Variants in MLLT10 observed in about 807,000 individuals in gnomAD.
MLLT10 encodes MLLT10 histone lysine methyltransferase DOT1L cofactor.
Under a neutral mutation model 129.1 loss-of-function variants are expected in MLLT10, and 30 were observed. The observed-to-expected ratio is 0.23, with a 90% CI of 0.17 to 0.32. MLLT10 has a LOEUF of 0.32. Ranked by LOEUF, MLLT10 falls within the 10% of genes least tolerant of loss-of-function variation. MLLT10 has a pLI of 1.00. For missense variants in MLLT10, 1,119 were observed against 1,268.3 expected, an observed-to-expected ratio of 0.88 and a Z score of 1.79; for synonymous variants, 490 against 446.4, an observed-to-expected ratio of 1.10 and a Z score of -1.23.
At chr10:21,569,939 C>T (rs1207543337) in intron 3 of MLLT10, among the ~76,000 whole-genome samples, 2 of 151,392 alleles carry the variant, frequency 1.3e-5, no homozygotes, top group East Asian at 2.0e-4. Context: ...GACGGGGTGC[C>T]GCTCTTGTTG....
chr10:21,577,318 T>C (rs1278976534), intron 3 of MLLT10, among the ~76,000 whole-genome samples: 1 of 152,238 alleles, frequency 6.6e-6, no homozygotes, highest in African/African-American at 2.4e-5. Flanking sequence ...AATAACGTTA[T>C]TATGAACATT....
chr10:21,577,977 C>T (rs897308519), intron 3 of MLLT10, among the ~76,000 whole-genome samples: 23 of 151,672 alleles, frequency 1.5e-4, no homozygotes, highest in African/African-American at 5.6e-4. Context: ...CTCACGGCAA[C>T]CTCTGCCTCC....
chr10:21,619,968 C>T (rs1184130382), intron 8 of MLLT10, among the ~76,000 whole-genome samples: 4 of 142,584 alleles, frequency 2.8e-5, no homozygotes, highest in Non-Finnish European at 4.5e-5. Context: ...GCTGGAGTGT[C>T]GCCCAGGCTG....
chr10:21,613,265 C>T (rs1204227217), intron 6 of MLLT10, among the ~76,000 whole-genome samples: 1 of 131,946 alleles, frequency 7.6e-6, no homozygotes, highest in African/African-American at 2.8e-5. Flanking sequence ...TTATTTACAA[C>T]AATATATTTT....
At chr10:21,652,134 G>A (rs1452346310) in intron 9 of MLLT10, among the ~76,000 whole-genome samples, 1 of 151,692 alleles carries the variant, frequency 6.6e-6, no homozygotes, top group Non-Finnish European at 1.5e-5. Flanking sequence ...GGATGGTCTC[G>A]ATCTCCTGAC....
At chr10:21,534,611 G>A in intron 1 of MLLT10, 34 bp from the exon 2 acceptor site, 1 of 1,593,610 alleles carries the variant, frequency 6.3e-7, no homozygotes, top group Admixed American at 1.7e-5. Context: ...CGGCTTGCAT[G>A]TGTTTTTTAA....
chr10:21,696,119 T>G (rs2054337376), intron 13 of MLLT10, among the ~76,000 whole-genome samples: 2 of 152,110 alleles, frequency 1.3e-5, no homozygotes, highest in Non-Finnish European at 2.9e-5. Flanking sequence ...TCATACATTA[T>G]TGAGACAGGC....
intron 5 of MLLT10, among the ~76,000 whole-genome samples, chr10:21,597,359 G>A (rs947382773): frequency 6.6e-6 from 1 of 152,046 alleles, no homozygotes; most frequent in Admixed American, 6.6e-5. Context: ...TGACTCTTTG[G>A]TCTTTTTATT....
rs1243824796 is a variant in MLLT10 at position 21,534,349 on chromosome 10, TA to T, written c.-171del. ...GCGCCTGTGCGGAGGCCCTCTTGAT[TA>T]TGTGTGCCCTCTCCGGGCGCCCGCG... On this transcript the variant is annotated 5_prime_UTR_variant, in exon 1 of 23. An upstream start codon of the reference 5' UTR is lost. Transcript: ENST00000307729. 1 of 366,150 alleles carries T rather than the reference TA, an allele frequency of 2.7e-6. No individual in the cohort carries two copies. The highest frequency in any genetic ancestry group is 2.1e-5 in the African/African-American group (1 of 47,440). 22.7% of individuals were successfully genotyped at this position (366,150 alleles called of 1,614,324 possible). A position where few individuals can be genotyped will look rare whatever the true frequency, so the allele number is the denominator to read the frequency against.
chr10:21,606,415 A>G (rs1326436175), intron 5 of MLLT10, among the ~76,000 whole-genome samples: 1 of 152,236 alleles, frequency 6.6e-6, no homozygotes, highest in African/African-American at 2.4e-5. Flanking sequence ...TATGGCTGCT[A>G]TACAGAGGAT....
chr10:21,625,604 T>C (rs1478956865), intron 8 of MLLT10: 2 of 757,482 alleles, frequency 2.6e-6, no homozygotes, highest in East Asian at 2.5e-5. Flanking sequence ...GTCATCAGGT[T>C]GATCATAGAG....
intron 8 of MLLT10, among the ~76,000 whole-genome samples, chr10:21,637,100 A>G (rs1279050438): frequency 6.6e-6 from 1 of 152,228 alleles, no homozygotes; most frequent in Non-Finnish European, 1.5e-5. Context: ...ATCAAGTCCA[A>G]ATCTCCAGTG....
At chr10:21,679,785 G>C (rs1028508074) in intron 11 of MLLT10, among the ~76,000 whole-genome samples, 2 of 152,114 alleles carry the variant, frequency 1.3e-5, no homozygotes, top group African/African-American at 4.8e-5. Context: ...ATACTTACCA[G>C]GTGAGCATCA....
At position 21,742,887 on chromosome 10, in the gene MLLT10, T is replaced by C. The variant is rs1485998873; in HGVS notation, c.*904T>C. 1 of 228,730 alleles carries C rather than the reference T, an allele frequency of 4.4e-6. No homozygotes were observed. Among genetic ancestry groups the C allele is most frequent in the Non-Finnish European group, 8.7e-6 (1 of 115,332 alleles). The allele number at this position is 228,730 out of a possible 1,614,324, so 14.2% of individuals were successfully genotyped here. A position where few individuals can be genotyped will look rare whatever the true frequency, so the allele number is the denominator to read the frequency against. On this transcript the variant is annotated 3_prime_UTR_variant, in exon 23 of 23. Transcript: ENST00000307729. ...TGCAGCCTTCCCATGCTTCCGCCTT[T>C]ATTCAGAACTTTCTGTGCCACTGTA... is the stretch of plus-strand genomic sequence containing the variant.
At chr10:21,649,380 A>G (rs1009812640) in intron 8 of MLLT10, among the ~76,000 whole-genome samples, 1 of 152,140 alleles carries the variant, frequency 6.6e-6, no homozygotes, top group East Asian at 1.9e-4. Flanking sequence ...CCTGGCCTGT[A>G]TTGTTATTTT....
intron 13 of MLLT10, chr10:21,688,554 C>A: frequency 6.2e-7 from 1 of 1,606,010 alleles, no homozygotes; most frequent in South Asian, 1.1e-5. Context: ...TACCAAACTC[C>A]AGCATGGTTC....
chr10:21,705,701 G>T (rs907109454), intron 13 of MLLT10, among the ~76,000 whole-genome samples: 7 of 152,312 alleles, frequency 4.6e-5, no homozygotes, highest in Middle Eastern at 3.4e-3. Flanking sequence ...AGTAGCTGGT[G>T]TATCTCTTGG....
chr10:21,571,009 CT>C (rs1376502480), intron 3 of MLLT10, among the ~76,000 whole-genome samples: 2 of 152,062 alleles, frequency 1.3e-5, no homozygotes, highest in African/African-American at 4.8e-5. Flanking sequence ...CAGTTTCTTT[CT>C]GTTGGGTCTT....
intron 4 of MLLT10, among the ~76,000 whole-genome samples, chr10:21,594,572 A>G (rs1422906808): frequency 6.7e-6 from 1 of 148,608 alleles, no homozygotes. Flanking sequence ...AAAAAAAAAA[A>G]AAAAGGACCC....
Sources: allele counts gnomAD v4.1 joint callset (sites outside exome capture counted in the v4.1 genomes callset), GRCh38; gene constraint gnomAD v4.1.1; transcripts MANE v1.5; gene names NCBI Gene and HGNC (gene_info 2026-07-23, HGNC 2026-07-21).